The following GRIP2 variants were observed in gnomAD, a reference collection of about 807,000 sequenced individuals.
GRIP2 encodes glutamate receptor interacting protein 2.
GRIP2 carries 58 observed loss-of-function variants against 108.3 expected under a neutral mutation model. That is an observed-to-expected ratio of 0.54 (90% CI 0.43 to 0.67). GRIP2 has a LOEUF of 0.67. Ranked by LOEUF, GRIP2 falls within the 30% of genes least tolerant of loss-of-function variation. The pLI, the probability that GRIP2 is intolerant of heterozygous loss-of-function variation, is 0.00. For synonymous variants in GRIP2, 586 were observed against 598.2 expected (o/e 0.98, Z 0.30); for missense variants, 1,278 against 1,430.6 (o/e 0.89, Z 1.72).
At chr3:14,535,010 T>A (rs2124949939) in intron 1 of GRIP2, among the ~76,000 whole-genome samples, 1 of 152,072 alleles carries the variant, frequency 6.6e-6, no homozygotes, top group South Asian at 2.1e-4. Context: ...GAGGGAGGAC[T>A]CAGCATCTCA....
chr3:14,585,061 GT>G, the GRIP2 span, among the ~76,000 whole-genome samples: 1 of 152,230 alleles, frequency 6.6e-6, no homozygotes, highest in Admixed American at 6.5e-5. Context: ...GTCTCGCTCT[GT>G]TGCTGAGGCT....
intron 1 of GRIP2, among the ~76,000 whole-genome samples, chr3:14,549,706 C>T (rs1289018231): frequency 6.6e-6 from 1 of 152,202 alleles, no homozygotes; most frequent in Non-Finnish European, 1.5e-5. Context: ...AGATTTCATA[C>T]TACTTCTCAC....
At chr3:14,502,996 G>A (rs1443757132) in intron 21 of GRIP2, among the ~76,000 whole-genome samples, 1 of 152,174 alleles carries the variant, frequency 6.6e-6, no homozygotes. Context: ...ATGTGACTTA[G>A]CGAGATCCTC....
rs1214137736 is a variant in GRIP2 at position 14,491,013 on chromosome 3, T to C, written c.*2652A>G. The C allele has an allele frequency of 6.6e-6, 1 of 152,250 alleles. No individual in the cohort carries two copies. Among genetic ancestry groups the C allele is most frequent in the African/African-American group, 2.4e-5 (1 of 41,444 alleles). The allele number at this position is 152,250 out of a possible 1,614,324, so 9.4% of individuals were successfully genotyped here. The stretch of plus-strand genomic sequence containing the variant: ...AATGTGCAGACATGACCTAAATCTG[T>C]CTGATTCATGTTGCCCAGGGGCTGG... On this transcript the variant is annotated 3_prime_UTR_variant, in exon 24 of 24. Transcript: ENST00000621039.
Position 14,525,942 on chromosome 3 carries a change from G to A in GRIP2, c.41-11C>T. 2.6e-6 allele frequency: 4 copies of A among 1,552,490 alleles called. No homozygotes were observed. The highest frequency in any genetic ancestry group is 3.5e-6 in the Non-Finnish European group (4 of 1,147,128). On this transcript the variant is annotated splice_polypyrimidine_tract_variant and intron_variant, in intron 1 of 23. Coordinates refer to ENST00000621039, the MANE Select transcript of GRIP2 (RefSeq NM_001080423.4). ...AGTAGGGCCCATCGTCTGCAGGAGA[G>A]AAAGAGGGAAAGGCCGAGTTCCACT...
chr3:14,495,406 T>G (rs1693566370), intron 22 of GRIP2, among the ~76,000 whole-genome samples: 1 of 152,128 alleles, frequency 6.6e-6, no homozygotes, highest in Non-Finnish European at 1.5e-5. Flanking sequence ...TTGTTGTTTT[T>G]GTTTTCGTTT....
Position 14,513,674 on chromosome 3 carries a change from C to A in GRIP2, c.1630G>T (p.Asp544Tyr), listed in dbSNP as rs775332058. The A allele has an allele frequency of 1.2e-6, 2 of 1,609,552 alleles. No homozygotes were observed. The highest frequency in any genetic ancestry group is 1.3e-5 in the African/African-American group (1 of 74,932). The change falls in exon 13 of 24, where the codon GAT becomes TAT. Residue 544 changes from aspartate (D) to tyrosine (Y), a missense_variant. Asp to Tyr is a radical substitution (Grantham distance 160). Coordinates refer to ENST00000621039, the MANE Select transcript of GRIP2 (RefSeq NM_001080423.4). The stretch of plus-strand genomic sequence containing the variant: ...TGGGCCACTCACTCACCCGCCACAT[C>A]GAACTCCACCTCCAGCACGACCTTG... ...AHKVVLEVEF[D>Y]VAESVIPSSG...
intron 1 of GRIP2, among the ~76,000 whole-genome samples, chr3:14,551,291 A>G (rs149411601): frequency 2.1e-3 from 323 of 152,354 alleles, no homozygotes; most frequent in African/African-American, 7.6e-3. Flanking sequence ...GCCGACAGAC[A>G]GAGACAATGC....
intron 1 of GRIP2, among the ~76,000 whole-genome samples, chr3:14,539,503 G>A (rs1694910083): frequency 6.6e-6 from 1 of 152,162 alleles, no homozygotes; most frequent in Admixed American, 6.5e-5. Context: ...TGTCCACTGG[G>A]ACCACAGTCC....
chr3:14,552,667 A>G (rs139298547), intron 1 of GRIP2, among the ~76,000 whole-genome samples: 2,373 of 138,830 alleles, frequency 0.017, 80 homozygotes, highest in African/African-American at 0.062. Context: ...GTCTTGGCTC[A>G]CTGCAACCAC....
the GRIP2 span, among the ~76,000 whole-genome samples, chr3:14,584,645 C>T: frequency 6.6e-6 from 1 of 152,194 alleles, no homozygotes; most frequent in Non-Finnish European, 1.5e-5. Flanking sequence ...TCCAGAATGC[C>T]CAGTGGTGCT....
rs777642585 is a variant in GRIP2 at position 14,506,877 on chromosome 3, C to T, written c.2322G>A (p.Ser774=). 136 of 1,606,444 alleles carry T rather than the reference C, an allele frequency of 8.5e-5. No homozygotes were observed. The highest frequency in any genetic ancestry group is 1.0e-4 in the Non-Finnish European group (123 of 1,176,640). The change falls in exon 19 of 24, where the codon TCG becomes TCA. Residue 774 remains serine (S), a synonymous_variant. Transcript: ENST00000621039. The part of the protein sequence containing the change: ...LKGGLPAARF[S]PAVPSVDSAV... ...CACTGTCCACACTGGGCACAGCCGG[C>T]GAGAAGCGGGCTGCTGGCAGGCCTC...
At chr3:14,542,024 C>A (rs1246462125), upstream of GRIP2, 1 of 1,353,690 alleles carries the variant, frequency 7.4e-7, no homozygotes, top group African/African-American at 1.5e-5. Flanking sequence ...AGATCCTCAC[C>A]CCACTCGCCT....
intron 1 of GRIP2, among the ~76,000 whole-genome samples, chr3:14,529,581 G>A (rs930803122): frequency 2.6e-5 from 4 of 151,998 alleles, no homozygotes; most frequent in Non-Finnish European, 5.9e-5. Flanking sequence ...GTACATTTAT[G>A]GCTCTTGAAA....
chr3:14,574,965 C>T, the GRIP2 span, among the ~76,000 whole-genome samples: 2,476 of 152,204 alleles, frequency 0.016, 84 homozygotes, highest in African/African-American at 0.056. Context: ...CCCTGTGCAG[C>T]GATACACATA....
chr3:14,552,823 C>T (rs1413746175), intron 1 of GRIP2, among the ~76,000 whole-genome samples: 5 of 152,070 alleles, frequency 3.3e-5, no homozygotes, highest in African/African-American at 1.2e-4. Context: ...GAACTCCTGG[C>T]CTCAAGTGAT....
intron 1 of GRIP2, among the ~76,000 whole-genome samples, chr3:14,535,944 C>A (rs1694823720): frequency 6.6e-6 from 1 of 152,234 alleles, no homozygotes; most frequent in South Asian, 2.1e-4. Context: ...GATGGAGATG[C>A]CTCAAAGCCA....
the GRIP2 span, chr3:14,574,498 G>T: frequency 1.4e-6 from 1 of 730,048 alleles, no homozygotes. Flanking sequence ...CTGCGGTCCA[G>T]GGCCCTGCCA....
intron 21 of GRIP2, among the ~76,000 whole-genome samples, chr3:14,502,164 A>G (rs955373436): frequency 1.2e-4 from 19 of 152,190 alleles, no homozygotes; most frequent in African/African-American, 4.6e-4. Context: ...TATACAATAG[A>G]GACACATTAG....
Sources: gnomAD v4.1 joint callset for allele counts (sites outside exome capture counted in the v4.1 genomes callset) on GRCh38, gnomAD v4.1.1 for gene constraint, MANE v1.5 for transcripts, NCBI Gene and HGNC (gene_info 2026-07-23, HGNC 2026-07-21) for gene names.